The following GRID2 variants were observed in gnomAD, a reference collection of about 807,000 sequenced individuals.
GRID2 encodes the protein glutamate receptor ionotropic, delta-2.
GRID2 carries 33 observed loss-of-function variants against 114.8 expected under a neutral mutation model. The ratio of observed to expected loss-of-function variants is 0.29; its 90% CI spans 0.22 to 0.38. The LOEUF (loss-of-function observed/expected upper bound fraction) is 0.38, where lower values mean the gene tolerates loss of function less well. Ranked by LOEUF, GRID2 falls within the 10% of genes least tolerant of loss-of-function variation. The probability of loss-of-function intolerance (pLI) is 1.00; values close to 1 mark genes in which losing one functional copy is unlikely to be tolerated. For missense variants in GRID2, 1,184 were observed against 1,257.7 expected (o/e 0.94, Z 0.89); for synonymous variants, 505 against 449.9 (o/e 1.12, Z -1.55).
chr4:92,786,559 T>C (rs1489641564), intron 2 of GRID2, among the ~76,000 whole-genome samples: 2 of 151,844 alleles, frequency 1.3e-5, no homozygotes. Flanking sequence ...ATTCAAACAC[T>C]GAGGACCCTT....
In GRID2 at chr4:93,131,145, A is replaced by ATTTTTTTTTTTTTTTTTTTT. The variant is rs34215461; in HGVS notation, c.735+20197_735+20216dup. Among the ~76,000 whole-genome samples the ATTTTTTTTTTTTTTTTTTTT allele has an allele frequency of 6.2e-4, 55 of 88,754 alleles. 4 individuals are homozygous for ATTTTTTTTTTTTTTTTTTTT. The highest frequency in any genetic ancestry group is 7.9e-3 in the Middle Eastern group (1 of 126). The allele number at this position is 88,754 out of a possible 152,430, so 58.2% of individuals were successfully genotyped here. A position where few individuals can be genotyped will look rare whatever the true frequency, so the allele number is the denominator to read the frequency against. On this transcript the variant is annotated intron_variant, in intron 4 of 15. Transcript: ENST00000282020. Reference sequence around the variant, plus strand: ...AGAACTTCCATGAAAAGATTAAATAATTTTTTTTTTTTTTTTTTTTTTTTG... The same window carrying ATTTTTTTTTTTTTTTTTTTT: ...AGAACTTCCATGAAAAGATTAAATAATTTTTTTTTTTTTTTTTTTTTTTTTTTTTTTTTTTTTTTTTTTTG...
intron 1 of GRID2, among the ~76,000 whole-genome samples, chr4:92,513,832 AAACTATTTTGAAAT>A (rs1343126210): frequency 1.3e-5 from 2 of 151,944 alleles, no homozygotes; most frequent in Non-Finnish European, 2.9e-5. Context: ...CTATAAAGGA[AAACTATTTTGAAAT>A]ATATTTTATG....
chr4:92,569,809 G>GT (rs763114196), intron 1 of GRID2, among the ~76,000 whole-genome samples: 32 of 151,544 alleles, frequency 2.1e-4, no homozygotes, highest in Middle Eastern at 3.4e-3. Context: ...ACTTTTTAAT[G>GT]TTTTTTTTCC....
intron 1 of GRID2, among the ~76,000 whole-genome samples, chr4:92,339,150 G>A (rs981867199): frequency 1.3e-5 from 2 of 152,028 alleles, no homozygotes; most frequent in African/African-American, 4.8e-5. Context: ...TCATTACCAT[G>A]TATCAAAAAA....
Position 93,760,849 on chromosome 4 carries a change from T to TA in GRID2, c.2361-8360dup, listed in dbSNP as rs1733147551. 1.1e-4 allele frequency among the ~76,000 whole-genome samples: 17 copies of TA among 152,300 alleles called. No homozygotes were observed. In the South Asian group the frequency reaches 3.3e-3, roughly 30 times the overall value. On this transcript the variant is annotated intron_variant, in intron 14 of 15. Coordinates refer to ENST00000282020, the MANE Select transcript of GRID2 (RefSeq NM_001510.4). ...GGAATTTCTTTTTTTAGGAGTGTAATATCTGCTCATATCGCCTTGACTTCA... is the reference window on the plus strand; with the variant it reads ...GGAATTTCTTTTTTTAGGAGTGTAATAATCTGCTCATATCGCCTTGACTTCA...
At chr4:92,358,230 C>A (rs73839295) in intron 1 of GRID2, among the ~76,000 whole-genome samples, 3 of 151,820 alleles carry the variant, frequency 2.0e-5, no homozygotes, top group African/African-American at 7.3e-5. Flanking sequence ...GCACTGAGAG[C>A]GGTAATGAGC....
At chr4:93,614,167 A>G (rs13136142) in intron 13 of GRID2, among the ~76,000 whole-genome samples, 22,753 of 151,958 alleles carry the variant, frequency 0.15, 2,273 homozygotes, top group Middle Eastern at 0.28. Flanking sequence ...GCCCTGCTTC[A>G]GCTCGCGCAC....
At chr4:92,733,902 A>C (rs1166953089) in intron 2 of GRID2, among the ~76,000 whole-genome samples, 1 of 151,988 alleles carries the variant, frequency 6.6e-6, no homozygotes, top group Non-Finnish European at 1.5e-5. Context: ...TCCCTCAAAA[A>C]TTCTTCAGAG....
intron 9 of GRID2, among the ~76,000 whole-genome samples, chr4:93,408,190 T>G (rs866131235): frequency 3.3e-5 from 5 of 152,102 alleles, no homozygotes; most frequent in African/African-American, 1.2e-4. Context: ...AACAGAACAC[T>G]CATCAAAAAC....
chr4:92,425,460 A>G (rs1732111185), intron 1 of GRID2, among the ~76,000 whole-genome samples: 1 of 152,124 alleles, frequency 6.6e-6, no homozygotes, highest in Non-Finnish European at 1.5e-5. Flanking sequence ...TTGCATCACA[A>G]TATTTTACTT....
chr4:93,361,261 A>G (rs1299128187), intron 8 of GRID2, among the ~76,000 whole-genome samples: 1 of 152,046 alleles, frequency 6.6e-6, no homozygotes, highest in Non-Finnish European at 1.5e-5. Flanking sequence ...CAAAACTAGT[A>G]AGCAACTGAG....
At chr4:92,428,477 C>G (rs1435573618) in intron 1 of GRID2, among the ~76,000 whole-genome samples, 1 of 152,000 alleles carries the variant, frequency 6.6e-6, no homozygotes, top group Non-Finnish European at 1.5e-5. Context: ...GAGAATAGAA[C>G]TATAACAGGT....
At chr4:93,467,404 T>C (rs913701461) in intron 11 of GRID2, among the ~76,000 whole-genome samples, 50 of 152,322 alleles carry the variant, frequency 3.3e-4, no homozygotes, top group African/African-American at 1.1e-3. Flanking sequence ...AAGAAGTCTG[T>C]ATTTTATATA....
chr4:93,706,440 T>A (rs1578621236), intron 14 of GRID2, among the ~76,000 whole-genome samples: 1 of 152,188 alleles, frequency 6.6e-6, no homozygotes. Context: ...CTTCTTTGAT[T>A]GAGTTTATTC....
intron 14 of GRID2, among the ~76,000 whole-genome samples, chr4:93,767,385 G>GGGT (rs1733755535): frequency 6.6e-6 from 1 of 152,144 alleles, no homozygotes; most frequent in Non-Finnish European, 1.5e-5. Flanking sequence ...GCTGGAATAA[G>GGGT]GGTGACATAT....
At chr4:93,689,110 A>G (rs750675880) in intron 14 of GRID2, among the ~76,000 whole-genome samples, 3 of 151,986 alleles carry the variant, frequency 2.0e-5, no homozygotes, top group Non-Finnish European at 4.4e-5. Context: ...CGTGAAGACA[A>G]TGGGGAGGAG....
At chr4:93,300,199 C>T (rs1754718187) in intron 8 of GRID2, among the ~76,000 whole-genome samples, 1 of 152,088 alleles carries the variant, frequency 6.6e-6, no homozygotes, top group African/African-American at 2.4e-5. Flanking sequence ...TCTCAGCCTC[C>T]TGAGTTTGCT....
chr4:92,768,110 C>A (rs1388521044), intron 2 of GRID2, among the ~76,000 whole-genome samples: 1 of 151,950 alleles, frequency 6.6e-6, no homozygotes, highest in African/African-American at 2.4e-5. Flanking sequence ...AAAATAAAAT[C>A]TTTATCAATG....
At chr4:92,813,108 C>A (rs142781757) in intron 2 of GRID2, among the ~76,000 whole-genome samples, 1 of 152,026 alleles carries the variant, frequency 6.6e-6, no homozygotes, top group African/African-American at 2.4e-5. Flanking sequence ...CCCTGCAGTT[C>A]TTAAACTATA....
Sources: gnomAD v4.1 joint callset for allele counts (sites outside exome capture counted in the v4.1 genomes callset) on GRCh38, gnomAD v4.1.1 for gene constraint, MANE v1.5 for transcripts, NCBI Gene and HGNC (gene_info 2026-07-23, HGNC 2026-07-21) for gene names.